The following EIF3H variants were observed in gnomAD, a reference collection of about 807,000 sequenced individuals.
EIF3H encodes eIF-3-gamma.
Under a neutral mutation model 44.2 loss-of-function variants are expected in EIF3H, and 26 were observed. The observed-to-expected ratio is 0.59, with a 90% CI of 0.43 to 0.82. The LOEUF is 0.82. EIF3H is among the 40% of genes least tolerant of loss of function. The pLI is 0.00. For missense variants in EIF3H, 359 were observed against 432.8 expected, an observed-to-expected ratio of 0.83 and a Z score of 1.51; for synonymous variants, 166 against 151.9, an observed-to-expected ratio of 1.09 and a Z score of -0.68.
At chr8:116,685,215 AC>A (rs1366838931) in intron 2 of EIF3H, among the ~76,000 whole-genome samples, 13 of 152,194 alleles carry the variant, frequency 8.5e-5, no homozygotes, top group Admixed American at 2.6e-4. Context: ...CCAGGAGGAT[AC>A]CCTACAGAGA....
chr8:116,703,764 T>C (rs943209926), intron 2 of EIF3H, among the ~76,000 whole-genome samples: 1 of 152,130 alleles, frequency 6.6e-6, no homozygotes, highest in African/African-American at 2.4e-5. Flanking sequence ...CACCCAGGCA[T>C]TTGGGGCCAC....
chr8:116,764,421 C>A (rs183697380), intron 1 of EIF3H, among the ~76,000 whole-genome samples: 1 of 152,132 alleles, frequency 6.6e-6, no homozygotes, highest in East Asian at 1.9e-4. Context: ...ATTAAGTGGA[C>A]CAATTAATAA....
At chr8:116,654,835 G>A (rs1813461411) in intron 5 of EIF3H, among the ~76,000 whole-genome samples, 1 of 151,908 alleles carries the variant, frequency 6.6e-6, no homozygotes, top group Non-Finnish European at 1.5e-5. Context: ...GCATAGAGAA[G>A]AACATTGATG....
At chr8:116,712,428 A>G (rs991953583) in intron 2 of EIF3H, among the ~76,000 whole-genome samples, 1 of 152,176 alleles carries the variant, frequency 6.6e-6, no homozygotes, top group African/African-American at 2.4e-5. Flanking sequence ...AACAGTAAAT[A>G]TGTATATAAG....
intron 2 of EIF3H, 62 bp from the exon 3 acceptor site, chr8:116,659,042 AAAC>A (rs1813542159): frequency 7.0e-7 from 1 of 1,419,182 alleles, no homozygotes; most frequent in African/African-American, 1.5e-5. Context: ...CCAACATCAA[AAAC>A]AAGCCGTTTT....
intron 1 of EIF3H, among the ~76,000 whole-genome samples, chr8:116,739,806 C>T (rs969249437): frequency 1.3e-5 from 2 of 152,152 alleles, no homozygotes; most frequent in African/African-American, 4.8e-5. Flanking sequence ...AGGGTCTCCC[C>T]GACTGAGCTG....
At chr8:116,670,678 T>C (rs1271700085) in intron 2 of EIF3H, among the ~76,000 whole-genome samples, 1 of 152,210 alleles carries the variant, frequency 6.6e-6, no homozygotes, top group East Asian at 1.9e-4. Context: ...AAAGTTAGTC[T>C]CTAGCAAAAA....
chr8:116,750,725 T>C (rs906882646), intron 1 of EIF3H, among the ~76,000 whole-genome samples: 6 of 151,570 alleles, frequency 4.0e-5, no homozygotes, highest in Middle Eastern at 3.2e-3. Context: ...GCATGACTTA[T>C]TAAAGAAAAA....
At chr8:116,647,173 C>T (rs1447414881) in intron 6 of EIF3H, among the ~76,000 whole-genome samples, 1 of 151,800 alleles carries the variant, frequency 6.6e-6, no homozygotes, top group Non-Finnish European at 1.5e-5. Flanking sequence ...GCAGCCTCCG[C>T]CTCTCCGCCT....
intron 2 of EIF3H, among the ~76,000 whole-genome samples, chr8:116,677,014 C>T (rs1813860585): frequency 6.6e-6 from 1 of 151,718 alleles, no homozygotes; most frequent in South Asian, 2.1e-4. Flanking sequence ...AAAGAAATAA[C>T]ATACACAAAT....
intron 1 of EIF3H, among the ~76,000 whole-genome samples, chr8:116,727,654 C>T (rs947019194): frequency 6.6e-6 from 1 of 152,162 alleles, no homozygotes; most frequent in Non-Finnish European, 1.5e-5. Flanking sequence ...GTTTTTATAT[C>T]CTGTAATACA....
intron 2 of EIF3H, among the ~76,000 whole-genome samples, chr8:116,659,886 T>TTTA (rs1296890903): frequency 4.6e-5 from 7 of 151,864 alleles, no homozygotes; most frequent in African/African-American, 7.3e-5. Context: ...TCTATTATTA[T>TTTA]TTATTATTAT....
chr8:116,719,222 C>T (rs1488068308), intron 2 of EIF3H, among the ~76,000 whole-genome samples: 1 of 152,148 alleles, frequency 6.6e-6, no homozygotes, highest in Non-Finnish European at 1.5e-5. Context: ...GGTGAAATAT[C>T]AACTGCATAA....
intron 2 of EIF3H, among the ~76,000 whole-genome samples, chr8:116,674,481 C>T (rs1245686052): frequency 6.6e-5 from 10 of 152,116 alleles, no homozygotes; most frequent in Admixed American, 6.5e-4. Flanking sequence ...CAGTCTATGT[C>T]ATAACTCAAC....
At chr8:116,678,262 C>T (rs1372752860) in intron 2 of EIF3H, among the ~76,000 whole-genome samples, 1 of 152,114 alleles carries the variant, frequency 6.6e-6, no homozygotes, top group African/African-American at 2.4e-5. Context: ...CCCGAGGTGC[C>T]GGGATTGCAG....
At chr8:116,666,026 A>G (rs1381020091) in intron 2 of EIF3H, among the ~76,000 whole-genome samples, 4 of 152,184 alleles carry the variant, frequency 2.6e-5, no homozygotes, top group Admixed American at 6.5e-5. Context: ...TATTAATACC[A>G]CCCTGTGACT....
chr8:116,661,842 A>AG (rs1248948184), intron 2 of EIF3H, among the ~76,000 whole-genome samples: 2 of 152,206 alleles, frequency 1.3e-5, no homozygotes, highest in Non-Finnish European at 2.9e-5. Context: ...GATAAGGGTA[A>AG]GAATGAAAAT....
intron 2 of EIF3H, among the ~76,000 whole-genome samples, chr8:116,674,224 G>C (rs1337039447): frequency 6.7e-6 from 1 of 150,024 alleles, no homozygotes. Context: ...AAGAAGGAAA[G>C]AGAGCTGGCA....
rs983255823 is a variant in EIF3H at position 116,755,646 on chromosome 8, G to A, written c.132+20C>T. ...AACTGCGCTCCCCACGTGGGCCAGA[G>A]GAAAAAGAACAGCACTCACAAGGCC... On this transcript the variant is annotated intron_variant, in intron 1 of 7. Transcript: ENST00000521861. The A allele has an allele frequency of 1.9e-6, 3 of 1,613,610 alleles. No individual in the cohort carries two copies. The highest frequency in any genetic ancestry group is 1.1e-5 in the South Asian group (1 of 91,062).
Sources: allele counts gnomAD v4.1 joint callset (sites outside exome capture counted in the v4.1 genomes callset), GRCh38; gene constraint gnomAD v4.1.1; transcripts MANE v1.5; gene names NCBI Gene and HGNC (gene_info 2026-07-23, HGNC 2026-07-21).